ITGAV: variants seen among roughly 807,000 people sequenced by gnomAD.
ITGAV encodes the protein integrin subunit alpha V, also known as integrin alpha-V.
In ITGAV, 76 loss-of-function variants were observed where a neutral mutation model predicts 143.8. That is an observed-to-expected ratio of 0.53 (90% CI 0.44 to 0.64). The LOEUF is 0.64. Ranked by LOEUF, ITGAV falls within the 30% of genes least tolerant of loss-of-function variation. ITGAV has a pLI of 0.00. For synonymous variants in ITGAV, 453 were observed against 446.7 expected, an observed-to-expected ratio of 1.01 and a Z score of -0.18; for missense variants, 1,193 against 1,274.7, an observed-to-expected ratio of 0.94 and a Z score of 0.98.
Position 186,663,845 on chromosome 2 carries a change from G to T in ITGAV, c.1925+10G>T, listed in dbSNP as rs200512522. ...AAGTTTCTGTAGATAGGTAAGTTTTGCTTGAAATAATAATGTAGTAAGAAA... is the reference window on the plus strand; with the variant it reads ...AAGTTTCTGTAGATAGGTAAGTTTTTCTTGAAATAATAATGTAGTAAGAAA... On this transcript the variant is annotated intron_variant, in intron 19 of 29. Transcript: ENST00000261023. 225 of 1,586,254 alleles carry T rather than the reference G, an allele frequency of 1.4e-4. No homozygotes were observed. The highest frequency in any genetic ancestry group is 1.8e-4 in the Non-Finnish European group (212 of 1,155,630).
chr2:186,633,433 AATTGTAT>A (rs1687871009), intron 6 of ITGAV, 59 bp downstream of exon 6: 2 of 925,212 alleles, frequency 2.2e-6, no homozygotes, highest in East Asian at 4.9e-5. Context: ...TCACCTGGCT[AATTGTAT>A]GCCTATGACA....
At chr2:186,591,487 G>A (rs1686614219) in intron 1 of ITGAV, among the ~76,000 whole-genome samples, 1 of 152,064 alleles carries the variant, frequency 6.6e-6, no homozygotes, top group South Asian at 2.1e-4. Context: ...TTCTTAGGGT[G>A]CCTTCTAAAC....
chr2:186,646,295 A>C (rs1574487920), intron 12 of ITGAV, among the ~76,000 whole-genome samples: 1 of 152,260 alleles, frequency 6.6e-6, no homozygotes, highest in Admixed American at 6.5e-5. Context: ...CTTTAGATGA[A>C]TCTTTTGATG....
chr2:186,605,366 T>C (rs1344458667), intron 2 of ITGAV, among the ~76,000 whole-genome samples: 1 of 152,198 alleles, frequency 6.6e-6, no homozygotes, highest in Non-Finnish European at 1.5e-5. Context: ...TTTCCCTAAA[T>C]ATCCACTGAG....
rs545072232 is a variant in ITGAV at position 186,634,140 on chromosome 2, G to A, written c.631+766G>A. On this transcript the variant is annotated intron_variant, in intron 6 of 29. Coordinates refer to ENST00000261023, the MANE Select transcript of ITGAV (RefSeq NM_002210.5). The stretch of plus-strand genomic sequence containing the variant: ...ATTATATTATTCAGTCATTCTGGGA[G>A]GCCTAATTAAATTACCATTTGAACA... 2.6e-5 allele frequency among the ~76,000 whole-genome samples: 4 copies of A among 152,248 alleles called. No homozygotes were observed. In the East Asian group the frequency reaches 7.7e-4, roughly 29 times the overall value.
At chr2:186,644,123 T>A (rs1688182744) in intron 12 of ITGAV, among the ~76,000 whole-genome samples, 1 of 152,092 alleles carries the variant, frequency 6.6e-6, no homozygotes, top group Non-Finnish European at 1.5e-5. Context: ...TTTGTATTTT[T>A]TGTAGAGATG....
chr2:186,635,990 T>C (rs1424845625), intron 6 of ITGAV, 92 bp from the exon 7 acceptor site: 1 of 1,034,568 alleles, frequency 9.7e-7, no homozygotes, highest in Non-Finnish European at 1.4e-6. Flanking sequence ...TAATATCTAA[T>C]ATTGTTTTCC....
At chr2:186,617,478 T>C (rs966584855) in intron 2 of ITGAV, among the ~76,000 whole-genome samples, 2 of 152,226 alleles carry the variant, frequency 1.3e-5, no homozygotes, top group African/African-American at 4.8e-5. Context: ...GGGAGTTTGA[T>C]AAAATGCAAA....
chr2:186,653,706 A>G (rs949422778), intron 15 of ITGAV, among the ~76,000 whole-genome samples: 8 of 152,198 alleles, frequency 5.3e-5, no homozygotes, highest in Admixed American at 2.0e-4. Context: ...GAAGTTGCCA[A>G]TAATCTGCTT....
intron 2 of ITGAV, among the ~76,000 whole-genome samples, chr2:186,611,340 T>C (rs1265537554): frequency 1.3e-5 from 2 of 152,210 alleles, no homozygotes; most frequent in African/African-American, 4.8e-5. Context: ...AGGGATATTA[T>C]TCGCCTACCA....
At chr2:186,591,390 C>A (rs1267103464) in intron 1 of ITGAV, among the ~76,000 whole-genome samples, 2 of 152,034 alleles carry the variant, frequency 1.3e-5, no homozygotes, top group African/African-American at 4.8e-5. Flanking sequence ...ACCACCCCAC[C>A]CCCATGTTAG....
intron 17 of ITGAV, among the ~76,000 whole-genome samples, chr2:186,657,478 A>G (rs1688623458): frequency 6.6e-6 from 1 of 152,200 alleles, no homozygotes; most frequent in Non-Finnish European, 1.5e-5. Context: ...TGTGATTTTT[A>G]AATAACTTAT....
intron 21 of ITGAV, among the ~76,000 whole-genome samples, chr2:186,666,200 A>C (rs910584336): frequency 6.6e-6 from 1 of 151,944 alleles, no homozygotes; most frequent in Non-Finnish European, 1.5e-5. Context: ...AAATCTACCA[A>C]TTTTCTGCCT....
chr2:186,632,731 C>CTG (rs1345241317), intron 5 of ITGAV, among the ~76,000 whole-genome samples: 2 of 151,826 alleles, frequency 1.3e-5, no homozygotes, highest in Admixed American at 6.6e-5. Context: ...AGAAAATTTG[C>CTG]TGTATAGTCA....
intron 18 of ITGAV, among the ~76,000 whole-genome samples, chr2:186,661,960 T>C (rs1393560871): frequency 6.6e-6 from 1 of 152,186 alleles, no homozygotes; most frequent in African/African-American, 2.4e-5. Flanking sequence ...GACTTGGTTT[T>C]CTGAGCATGG....
chr2:186,622,890 G>A (rs1687572232), intron 3 of ITGAV, among the ~76,000 whole-genome samples: 1 of 152,144 alleles, frequency 6.6e-6, no homozygotes, highest in East Asian at 1.9e-4. Context: ...AGCCTCCCGA[G>A]TAGCTGGGAT....
intron 5 of ITGAV, among the ~76,000 whole-genome samples, chr2:186,632,678 A>G (rs1182679377): frequency 6.6e-6 from 1 of 152,142 alleles, no homozygotes; most frequent in Non-Finnish European, 1.5e-5. Context: ...CTGAGACACT[A>G]AAAATATTTC....
chr2:186,663,676 A>C (rs1688810179), intron 18 of ITGAV, 92 bp from the exon 19 acceptor site: 1 of 851,208 alleles, frequency 1.2e-6, no homozygotes, highest in Admixed American at 2.1e-5. Context: ...ACATGTGTAC[A>C]TATAGGCTTA....
intron 2 of ITGAV, among the ~76,000 whole-genome samples, chr2:186,615,805 T>C (rs1687339104): frequency 6.6e-6 from 1 of 152,206 alleles, no homozygotes; most frequent in African/African-American, 2.4e-5. Flanking sequence ...CAAAAGTTTT[T>C]AATTTTAATT....
Sources: allele counts gnomAD v4.1 joint callset (sites outside exome capture counted in the v4.1 genomes callset), GRCh38; gene constraint gnomAD v4.1.1; transcripts MANE v1.5; gene names NCBI Gene and HGNC (gene_info 2026-07-23, HGNC 2026-07-21).